The following KANK1 variants were observed in gnomAD, a reference collection of about 807,000 sequenced individuals.
KANK1 encodes the protein KN motif and ankyrin repeat domain-containing protein 1.
KANK1 carries 109 observed loss-of-function variants against 106.2 expected under a neutral mutation model. The observed-to-expected ratio is 1.03, with a 90% CI of 0.88 to 1.20. The LOEUF (loss-of-function observed/expected upper bound fraction) is 1.20. Ranked by LOEUF, KANK1 falls within the 50% of genes most tolerant of loss-of-function variation. The probability of loss-of-function intolerance (pLI) is 0.00; values close to 1 mark genes in which losing one functional copy is unlikely to be tolerated. For synonymous variants in KANK1, 873 were observed against 652.2 expected, an observed-to-expected ratio of 1.34 and a Z score of -5.16; for missense variants, 2,399 against 1,710.7, an observed-to-expected ratio of 1.40 and a Z score of -7.10.
At chr9:640,970 A>G (rs1016989689) in intron 1 of KANK1, among the ~76,000 whole-genome samples, 4 of 152,194 alleles carry the variant, frequency 2.6e-5, no homozygotes, top group Non-Finnish European at 5.9e-5. Context: ...TCCAGGGATT[A>G]CAGGCGTGAG....
chr9:720,071 T>A (rs543615071), intron 3 of KANK1, among the ~76,000 whole-genome samples: 9 of 152,378 alleles, frequency 5.9e-5, no homozygotes, highest in African/African-American at 1.7e-4. Flanking sequence ...TCAAAGGTGT[T>A]CCTCTTATTT....
At chr9:577,314 C>G (rs1216409139) in intron 1 of KANK1, among the ~76,000 whole-genome samples, 1 of 151,988 alleles carries the variant, frequency 6.6e-6, no homozygotes, top group East Asian at 1.9e-4. Flanking sequence ...TTACAGAGTG[C>G]TGATTGGTGT....
intron 1 of KANK1, among the ~76,000 whole-genome samples, chr9:656,910 C>G (rs1248652108): frequency 2.0e-5 from 3 of 152,058 alleles, no homozygotes; most frequent in Non-Finnish European, 4.4e-5. Flanking sequence ...AAACACATAG[C>G]ATAGATTTGC....
intron 1 of KANK1, among the ~76,000 whole-genome samples, chr9:540,066 C>T (rs774010329): frequency 6.6e-6 from 1 of 152,092 alleles, no homozygotes; most frequent in Non-Finnish European, 1.5e-5. Flanking sequence ...ACTTCTAGTA[C>T]TATATTGAAT....
intron 1 of KANK1, among the ~76,000 whole-genome samples, chr9:667,345 GTTT>G (rs771050932): frequency 6.7e-6 from 1 of 150,174 alleles, no homozygotes; most frequent in Admixed American, 6.6e-5. Context: ...AGTTTTGTCA[GTTT>G]TTTTTTAACT....
At chr9:650,686 G>T (rs1040271146) in intron 1 of KANK1, among the ~76,000 whole-genome samples, 13 of 152,040 alleles carry the variant, frequency 8.6e-5, no homozygotes, top group African/African-American at 3.1e-4. Flanking sequence ...TAGAGGTTAG[G>T]GTGAGAGGGA....
At chr9:598,910 G>A (rs1024839053) in intron 1 of KANK1, among the ~76,000 whole-genome samples, 10 of 147,820 alleles carry the variant, frequency 6.8e-5, no homozygotes, top group African/African-American at 2.5e-4. Flanking sequence ...AGAATTACGG[G>A]CATGAGCCAC....
chr9:608,031 A>ATTTTTTTTTTTTTT (rs1175822024), intron 1 of KANK1, among the ~76,000 whole-genome samples: 1 of 88,100 alleles, frequency 1.1e-5, no homozygotes, highest in African/African-American at 4.2e-5. Flanking sequence ...TATTATTATT[A>ATTTTTTTTTTTTTT]TTATTTTTTT....
chr9:484,794 C>A (rs967881922), intron 3 of KANK1, among the ~76,000 whole-genome samples: 2 of 152,200 alleles, frequency 1.3e-5, no homozygotes, highest in Non-Finnish European at 2.9e-5. Context: ...GAGCACTGGG[C>A]AGCACCCAGG....
At chr9:482,820 C>G (rs188705282) in intron 3 of KANK1, among the ~76,000 whole-genome samples, 2 of 149,700 alleles carry the variant, frequency 1.3e-5, no homozygotes, top group East Asian at 4.0e-4. Flanking sequence ...TATCCAAGGT[C>G]CAAATATATG....
chr9:591,790 C>T (rs907298620), intron 1 of KANK1, among the ~76,000 whole-genome samples: 1 of 151,740 alleles, frequency 6.6e-6, no homozygotes, highest in Admixed American at 6.6e-5. Context: ...TAGCAAGTAG[C>T]TGGGATTACA....
intron 11 of KANK1, chr9:744,826 A>G: frequency 7.0e-7 from 1 of 1,426,830 alleles, no homozygotes; most frequent in East Asian, 2.6e-5. Context: ...ACAGCTTCCC[A>G]TAGAGGTTTT....
intron 3 of KANK1, among the ~76,000 whole-genome samples, chr9:479,375 T>G (rs146705134): frequency 4.6e-5 from 7 of 152,336 alleles, no homozygotes; most frequent in African/African-American, 1.4e-4. Flanking sequence ...AGGGCCTAAA[T>G]GCAGGGGACG....
At chr9:580,090 G>A (rs1476069255) in intron 1 of KANK1, among the ~76,000 whole-genome samples, 3 of 152,142 alleles carry the variant, frequency 2.0e-5, no homozygotes, top group South Asian at 2.1e-4. Context: ...ATGTTCGTAC[G>A]TGTTCAGAGT....
chr9:481,830 C>G (rs927073171), intron 3 of KANK1, among the ~76,000 whole-genome samples: 1 of 149,532 alleles, frequency 6.7e-6, no homozygotes, highest in African/African-American at 2.5e-5. Flanking sequence ...GGTGACAAAG[C>G]AAGACCCTGT....
At chr9:670,349 T>G (rs1313130400) in intron 1 of KANK1, among the ~76,000 whole-genome samples, 3 of 152,204 alleles carry the variant, frequency 2.0e-5, no homozygotes, top group African/African-American at 7.2e-5. Context: ...CTGTTTTGGT[T>G]TTTACTGGTA....
At chr9:620,284 C>T (rs1344513926) in intron 1 of KANK1, among the ~76,000 whole-genome samples, 1 of 152,156 alleles carries the variant, frequency 6.6e-6, no homozygotes, top group African/African-American at 2.4e-5. Context: ...CCTTTCCCAC[C>T]CTGTCTTGGA....
intron 1 of KANK1, among the ~76,000 whole-genome samples, chr9:517,530 T>A (rs1231152208): frequency 6.6e-6 from 1 of 151,734 alleles, no homozygotes; most frequent in Non-Finnish European, 1.5e-5. Context: ...GTTAGGATAT[T>A]CATGGGAAAA....
chr9:656,204 A>G (rs1358154326), intron 1 of KANK1, among the ~76,000 whole-genome samples: 1 of 152,180 alleles, frequency 6.6e-6, no homozygotes. Flanking sequence ...CAGGTCCCAC[A>G]GTCTGGCGCC....
Sources: allele counts gnomAD v4.1 joint callset (sites outside exome capture counted in the v4.1 genomes callset), GRCh38; gene constraint gnomAD v4.1.1; transcripts MANE v1.5; gene names NCBI Gene and HGNC (gene_info 2026-07-23, HGNC 2026-07-21).